Variants in RUNDC3B observed in about 807,000 individuals in gnomAD.
RUNDC3B encodes the protein RUN domain containing 3B, also known as RUN domain-containing protein 3B.
A neutral mutation model predicts 58.4 loss-of-function variants in RUNDC3B; 33 were observed. That is an observed-to-expected ratio of 0.56 (90% CI 0.43 to 0.75). The LOEUF (loss-of-function observed/expected upper bound fraction) is 0.75. Among genes scored for constraint, RUNDC3B ranks in the 30% least tolerant of loss-of-function variants. The pLI, the probability that RUNDC3B is intolerant of heterozygous loss-of-function variation, is 0.00. For synonymous variants in RUNDC3B, 193 were observed against 195.2 expected (o/e 0.99, Z 0.10); for missense variants, 501 against 535.7 (o/e 0.94, Z 0.64).
chr7:87,736,889 A>ATATAT (rs1397271292), intron 4 of RUNDC3B, among the ~76,000 whole-genome samples: 4 of 28,222 alleles, frequency 1.4e-4, no homozygotes, highest in Non-Finnish European at 2.3e-4. Flanking sequence ...ATATATATAT[A>ATATAT]TTTTTTTTTT....
intron 2 of RUNDC3B, among the ~76,000 whole-genome samples, chr7:87,652,958 T>C (rs1823733430): frequency 6.6e-6 from 1 of 152,014 alleles, no homozygotes; most frequent in Non-Finnish European, 1.5e-5. Flanking sequence ...GTTTTCAACA[T>C]TAAACTTTTC....
chr7:87,787,120 G>A (rs567510427), intron 8 of RUNDC3B, among the ~76,000 whole-genome samples: 1 of 152,114 alleles, frequency 6.6e-6, no homozygotes. Flanking sequence ...CTGAACAGGA[G>A]CATAAGATAC....
chr7:87,751,255 C>T (rs1431437981), intron 6 of RUNDC3B, among the ~76,000 whole-genome samples: 3 of 152,030 alleles, frequency 2.0e-5, no homozygotes, highest in African/African-American at 7.3e-5. Flanking sequence ...GTTTTGGTAC[C>T]AGTACCATGC....
At chr7:87,731,034 C>T (rs548452103) in intron 4 of RUNDC3B, among the ~76,000 whole-genome samples, 2 of 152,214 alleles carry the variant, frequency 1.3e-5, no homozygotes, top group East Asian at 1.9e-4. Context: ...CTGATGCCTA[C>T]GTGGCTACAG....
chr7:87,740,729 T>A (rs547498073), intron 5 of RUNDC3B, among the ~76,000 whole-genome samples: 1 of 152,340 alleles, frequency 6.6e-6, no homozygotes, highest in Admixed American at 6.5e-5. Context: ...AGTCTAACTT[T>A]ATTAAAATTT....
At chr7:87,713,676 C>A (rs1030912126) in intron 4 of RUNDC3B, among the ~76,000 whole-genome samples, 2 of 149,092 alleles carry the variant, frequency 1.3e-5, no homozygotes, top group African/African-American at 4.9e-5. Context: ...AGAGAGACTT[C>A]TTTTGGTAGG....
intron 6 of RUNDC3B, among the ~76,000 whole-genome samples, chr7:87,744,627 G>A (rs1405110957): frequency 6.6e-6 from 1 of 152,194 alleles, no homozygotes; most frequent in Non-Finnish European, 1.5e-5. Context: ...CTTGGTTGCT[G>A]TTGGTATATA....
chr7:87,763,717 A>G (rs1306390372), intron 6 of RUNDC3B, among the ~76,000 whole-genome samples: 3 of 151,670 alleles, frequency 2.0e-5, no homozygotes, highest in Admixed American at 2.0e-4. Flanking sequence ...CAAAGCTGGA[A>G]CTTTATTATC....
At chr7:87,761,785 G>A (rs1479093200) in intron 6 of RUNDC3B, among the ~76,000 whole-genome samples, 1 of 151,482 alleles carries the variant, frequency 6.6e-6, no homozygotes, top group Non-Finnish European at 1.5e-5. Context: ...TTCTCTTTTT[G>A]GTTTTCAGAT....
chr7:87,665,193 T>TA (rs1825104163), intron 2 of RUNDC3B, among the ~76,000 whole-genome samples: 1 of 152,118 alleles, frequency 6.6e-6, no homozygotes. Context: ...CTTACATGTA[T>TA]AAGAACCTAA....
chr7:87,707,185 C>T (rs998022965), intron 3 of RUNDC3B, among the ~76,000 whole-genome samples: 2 of 151,820 alleles, frequency 1.3e-5, no homozygotes, highest in Non-Finnish European at 2.9e-5. Flanking sequence ...GTCTAGTATA[C>T]AGTAAAAAAT....
chr7:87,808,024 A>G (rs559058714), intron 9 of RUNDC3B, among the ~76,000 whole-genome samples: 4 of 152,222 alleles, frequency 2.6e-5, no homozygotes, highest in African/African-American at 9.6e-5. Context: ...TAGTTACAGT[A>G]TCCTAATGTT....
chr7:87,811,639 C>T (rs1050233847), intron 9 of RUNDC3B, among the ~76,000 whole-genome samples: 15 of 152,108 alleles, frequency 9.9e-5, no homozygotes, highest in South Asian at 2.1e-4. Flanking sequence ...CCACCGCGCA[C>T]GGCTGGCTTT....
chr7:87,825,335 T>A (rs1837742826), intron 10 of RUNDC3B, among the ~76,000 whole-genome samples: 1 of 152,202 alleles, frequency 6.6e-6, no homozygotes, highest in African/African-American at 2.4e-5. Flanking sequence ...GAGAAATGTC[T>A]AAGCCCCAAG....
intron 2 of RUNDC3B, among the ~76,000 whole-genome samples, chr7:87,664,300 G>T (rs946536057): frequency 6.6e-6 from 1 of 152,008 alleles, no homozygotes; most frequent in Non-Finnish European, 1.5e-5. Flanking sequence ...GATAGCAGCT[G>T]CACTCAAGCC....
At chr7:87,731,765 T>G (rs1831591722) in intron 4 of RUNDC3B, among the ~76,000 whole-genome samples, 1 of 152,174 alleles carries the variant, frequency 6.6e-6, no homozygotes, top group African/African-American at 2.4e-5. Context: ...ACAGATTATA[T>G]AAAGCAAATA....
chr7:87,732,019 C>T (rs543730417), intron 4 of RUNDC3B, among the ~76,000 whole-genome samples: 1 of 152,244 alleles, frequency 6.6e-6, no homozygotes, highest in East Asian at 1.9e-4. Flanking sequence ...TGTCACAAAG[C>T]TAGCCTTAAA....
chr7:87,823,366 AT>A lies in RUNDC3B; in HGVS notation c.1226-6511del, dbSNP rs568789637. ...GCAAACACACTGTCTATGCAAAACT[AT>A]TTTTTTTCTTTCTTTAAAATTGAGT... On this transcript the variant is annotated intron_variant, in intron 10 of 10. Transcript: ENST00000394654. 1.3e-4 allele frequency among the ~76,000 whole-genome samples: 19 copies of A among 149,752 alleles called. No homozygotes were observed. In the East Asian group the frequency reaches 2.0e-3, roughly 16 times the overall value.
chr7:87,645,784 T>C (rs942840869), intron 1 of RUNDC3B, among the ~76,000 whole-genome samples: 3 of 152,214 alleles, frequency 2.0e-5, no homozygotes, highest in African/African-American at 7.2e-5. Flanking sequence ...CATATACTCA[T>C]GACTAGCTAT....
Sources: gnomAD v4.1 joint callset for allele counts (sites outside exome capture counted in the v4.1 genomes callset) on GRCh38, gnomAD v4.1.1 for gene constraint, MANE v1.5 for transcripts, NCBI Gene and HGNC (gene_info 2026-07-23, HGNC 2026-07-21) for gene names.